The following NBAS variants were observed in gnomAD, a reference collection of about 807,000 sequenced individuals.
NBAS encodes the protein NBAS subunit of NRZ tethering complex, also known as NAG/BC035112 fusion.
A neutral mutation model predicts 302.5 loss-of-function variants in NBAS; 219 were observed. The ratio of observed to expected loss-of-function variants is 0.72; its 90% CI spans 0.65 to 0.81. NBAS has a LOEUF of 0.81. NBAS is among the 30% of genes least tolerant of loss of function. NBAS has a pLI of 0.00. For missense variants in NBAS, 2,932 were observed against 2,841.6 expected (o/e 1.03, Z -0.72); for synonymous variants, 1,118 against 1,021.6 (o/e 1.09, Z -1.80).
the NBAS span, among the ~76,000 whole-genome samples, chr2:15,125,060 G>A: frequency 6.6e-6 from 1 of 152,176 alleles, no homozygotes; most frequent in Non-Finnish European, 1.5e-5. Context: ...TTCAACCTCA[G>A]CATGGAAAAG....
At chr2:14,987,586 A>C in the NBAS span, among the ~76,000 whole-genome samples, 16 of 152,210 alleles carry the variant, frequency 1.1e-4, no homozygotes, top group African/African-American at 3.6e-4. Flanking sequence ...ATGAATGTAG[A>C]AATTTATTGT....
the NBAS span, among the ~76,000 whole-genome samples, chr2:15,061,010 G>A: frequency 6.6e-6 from 1 of 152,132 alleles, no homozygotes; most frequent in African/African-American, 2.4e-5. Context: ...AAATTACAAT[G>A]TTTTCACTTA....
intron 40 of NBAS, among the ~76,000 whole-genome samples, chr2:15,303,198 G>A (rs1448111752): frequency 6.6e-6 from 1 of 152,098 alleles, no homozygotes; most frequent in Non-Finnish European, 1.5e-5. Context: ...AGAAAACCCT[G>A]ACTAATACAA....
At chr2:15,026,882 C>T in the NBAS span, among the ~76,000 whole-genome samples, 1 of 152,050 alleles carries the variant, frequency 6.6e-6, no homozygotes, top group African/African-American at 2.4e-5. Context: ...GCTGGTTGTG[C>T]CAGCTTCGTT....
chr2:15,425,162 CA>C lies in NBAS; in HGVS notation c.2424-695del, dbSNP rs11403016. Among the ~76,000 whole-genome samples, 9 of 149,074 alleles carry C rather than the reference CA, an allele frequency of 6.0e-5. No homozygotes were observed. The South Asian group carries it at 6.3e-4, about 10-fold the overall frequency. ...GCCAATTGCCTTCCATGTTTAAGGA[CA>C]AAAAAAAAATACAAAGTAACAAGTA... is the stretch of plus-strand genomic sequence containing the variant. On this transcript the variant is annotated intron_variant, in intron 22 of 51. Transcript: ENST00000281513.
chr2:15,560,384 C>T (rs1351344090), intron 1 of NBAS, among the ~76,000 whole-genome samples: 1 of 152,122 alleles, frequency 6.6e-6, no homozygotes, highest in African/African-American at 2.4e-5. Context: ...CTCTATAACC[C>T]TTCTGTAGCG....
intron 21 of NBAS, among the ~76,000 whole-genome samples, chr2:15,456,679 C>T (rs1001015056): frequency 5.3e-5 from 8 of 152,134 alleles, no homozygotes; most frequent in Non-Finnish European, 8.8e-5. Flanking sequence ...CACACAAAAT[C>T]GCTGTCCATT....
chr2:15,451,186 G>T (rs116939292), intron 21 of NBAS, among the ~76,000 whole-genome samples: 1,940 of 152,128 alleles, frequency 0.013, 32 homozygotes, highest in East Asian at 0.06. Context: ...GAGTAGCTGG[G>T]GCTACAGAAG....
intron 13 of NBAS, among the ~76,000 whole-genome samples, chr2:15,477,330 C>T (rs888135102): frequency 1.3e-5 from 2 of 152,024 alleles, no homozygotes; most frequent in East Asian, 3.9e-4. Flanking sequence ...CCCGCGATCT[C>T]GGCTCACTGC....
chr2:15,084,838 C>A, the NBAS span, among the ~76,000 whole-genome samples: 1 of 152,172 alleles, frequency 6.6e-6, no homozygotes, highest in Admixed American at 6.5e-5. Flanking sequence ...AAATTATCCT[C>A]GAAGACTCTA....
At chr2:14,791,326 A>T in the NBAS span, among the ~76,000 whole-genome samples, 5 of 152,184 alleles carry the variant, frequency 3.3e-5, no homozygotes, top group African/African-American at 4.8e-5. Context: ...TGAGAAATTT[A>T]TCCCTAGTAT....
chr2:15,439,677 C>A (rs978698545), intron 21 of NBAS, among the ~76,000 whole-genome samples: 1 of 152,092 alleles, frequency 6.6e-6, no homozygotes, highest in Non-Finnish European at 1.5e-5. Context: ...TGCAGCGCGC[C>A]GTGCACAAGC....
At chr2:15,160,440 C>G in the NBAS span, among the ~76,000 whole-genome samples, 1 of 152,176 alleles carries the variant, frequency 6.6e-6, no homozygotes, top group South Asian at 2.1e-4. Context: ...CACCCCGGGG[C>G]TGGGAGGAGA....
At chr2:15,136,472 C>A in the NBAS span, among the ~76,000 whole-genome samples, 1 of 152,178 alleles carries the variant, frequency 6.6e-6, no homozygotes, top group Non-Finnish European at 1.5e-5. Flanking sequence ...TGGCTGGGCT[C>A]CAAGAAAACT....
chr2:15,374,796 A>G lies in NBAS; in HGVS notation c.3591-76T>C, dbSNP rs1056089620. 1.1e-5 allele frequency: 13 copies of G among 1,220,314 alleles called. No homozygotes were observed. The Middle Eastern group carries it at 7.6e-4, about 72-fold the overall frequency. 75.6% of individuals were successfully genotyped at this position (1,220,314 alleles called of 1,614,324 possible). ...TCTATACTCAACACCATGAGATCTA[A>G]CACATATTTATCAAAAATCTACCAC... On this transcript the variant is annotated intron_variant, in intron 30 of 51. Transcript: ENST00000281513.
chr2:14,792,601 G>A, the NBAS span, among the ~76,000 whole-genome samples: 40 of 151,894 alleles, frequency 2.6e-4, no homozygotes, highest in African/African-American at 8.7e-4. Context: ...AGTGAAGCAC[G>A]GTAATTTGGG....
the NBAS span, among the ~76,000 whole-genome samples, chr2:14,825,152 C>T: frequency 6.6e-6 from 1 of 152,150 alleles, no homozygotes; most frequent in Non-Finnish European, 1.5e-5. Context: ...TTTGCTGATT[C>T]TGCCACCTGA....
At chr2:15,471,914 GA>G (rs1188181422) in intron 16 of NBAS, among the ~76,000 whole-genome samples, 4 of 152,146 alleles carry the variant, frequency 2.6e-5, no homozygotes, top group African/African-American at 9.7e-5. Context: ...AGAACTAAGA[GA>G]AATAAATTTC....
At chr2:15,427,564 T>A (rs1156595921) in intron 22 of NBAS, 147 bp downstream of exon 22, 1 of 681,192 alleles carries the variant, frequency 1.5e-6, no homozygotes, top group Non-Finnish European at 2.6e-6. Flanking sequence ...CATAACTGAG[T>A]CAAAGGAGTT....
Sources: gnomAD v4.1 joint callset for allele counts (sites outside exome capture counted in the v4.1 genomes callset) on GRCh38, gnomAD v4.1.1 for gene constraint, MANE v1.5 for transcripts, NCBI Gene and HGNC (gene_info 2026-07-23, HGNC 2026-07-21) for gene names.